The following LCOR variants were observed in gnomAD, a reference collection of about 807,000 sequenced individuals.
LCOR encodes the protein ligand dependent nuclear receptor corepressor.
Under a neutral mutation model 64.4 loss-of-function variants are expected in LCOR, and 14 were observed. The ratio of observed to expected loss-of-function variants is 0.22; its 90% CI spans 0.14 to 0.34. LCOR has a LOEUF of 0.34. LCOR is among the 10% of genes least tolerant of loss of function. LCOR has a pLI of 1.00. For synonymous variants in LCOR, 643 were observed against 642.5 expected (o/e 1.00, Z -0.01); for missense variants, 1,686 against 1,765.3 (o/e 0.96, Z 0.80).
At chr10:96,890,097 T>TTTTTG (rs753133881) in intron 2 of LCOR, among the ~76,000 whole-genome samples, 49 of 151,886 alleles carry the variant, frequency 3.2e-4, no homozygotes, top group African/African-American at 9.6e-4. Context: ...GCGTGTAGTT[T>TTTTTG]TTTTGTTTTG....
chr10:96,854,986 A>G (rs983899963), intron 2 of LCOR, among the ~76,000 whole-genome samples: 1 of 152,114 alleles, frequency 6.6e-6, no homozygotes, highest in Non-Finnish European at 1.5e-5. Flanking sequence ...CTCTTATGGC[A>G]GTAGCATCTT....
rs1355329365 is a variant in LCOR, at chr10:96,881,201, CCT to C, written c.-329-26058_-329-26057del. On this transcript the variant is annotated intron_variant, in intron 2 of 7. Coordinates refer to ENST00000421806, the MANE Select transcript of LCOR (RefSeq NM_001346516.2). The stretch of plus-strand genomic sequence containing the variant: ...GAGAGTACGTAGATTTGAATCCCAG[CCT>C]CTCTCCTTTGGTAACTGTTTGGCCT... Among the ~76,000 whole-genome samples the C allele has an allele frequency of 2.0e-5, 3 of 152,244 alleles. No individual in the cohort carries two copies. The East Asian group carries it at 5.8e-4, about 29-fold the overall frequency.
intron 7 of LCOR, chr10:96,960,461 C>G (rs1847862168): frequency 6.6e-6 from 1 of 152,160 alleles, no homozygotes; most frequent in African/African-American, 2.4e-5. Flanking sequence ...ATAATCCTTT[C>G]ATTAAATGCC....
chr10:96,898,990 G>T (rs1846588828), intron 2 of LCOR, among the ~76,000 whole-genome samples: 3 of 152,144 alleles, frequency 2.0e-5, no homozygotes, highest in Admixed American at 1.3e-4. Context: ...TCAATGACCG[G>T]AATACTTGGT....
intron 2 of LCOR, among the ~76,000 whole-genome samples, chr10:96,866,430 G>T (rs1447870043): frequency 6.6e-6 from 1 of 152,110 alleles, no homozygotes; most frequent in African/African-American, 2.4e-5. Context: ...TCGGTTGTTT[G>T]GGGGCTGTTA....
intron 2 of LCOR, among the ~76,000 whole-genome samples, chr10:96,851,314 G>A (rs180951019): frequency 5.3e-5 from 8 of 152,174 alleles, no homozygotes; most frequent in African/African-American, 1.9e-4. Flanking sequence ...TGTAACCAGG[G>A]TATCCTTAGA....
chr10:96,937,094 A>G (rs1393028095), intron 4 of LCOR, among the ~76,000 whole-genome samples: 2 of 152,256 alleles, frequency 1.3e-5, no homozygotes, highest in Non-Finnish European at 2.9e-5. Context: ...ATGTTGGATT[A>G]GAGTGGACCC....
At position 96,984,747 on chromosome 10, in the gene LCOR, C is replaced by A; in HGVS notation, c.4287C>A (p.Thr1429=). 6.2e-7 allele frequency: 1 copy of A among 1,613,666 alleles called. No individual in the cohort carries two copies. The highest frequency in any genetic ancestry group is 8.5e-7 in the Non-Finnish European group (1 of 1,179,918). The part of the protein sequence containing the change: ...ASKEKHADGA[T]KTPAAKRPAA... ...AAGAAAAGCATGCTGATGGAGCCAC[C>A]AAAACCCCTGCTGCCAAGAGGCCAG... The change falls in exon 8 of 8, where the codon ACC becomes ACA. Residue 1429 remains threonine, a synonymous_variant. Coordinates refer to ENST00000421806, the MANE Select transcript of LCOR (RefSeq NM_001346516.2).
At chr10:96,855,657 G>A (rs1196414228) in intron 2 of LCOR, among the ~76,000 whole-genome samples, 1 of 151,756 alleles carries the variant, frequency 6.6e-6, no homozygotes, top group African/African-American at 2.4e-5. Flanking sequence ...GCTGGTCTCC[G>A]ACTCCTGAAT....
At position 96,936,454 on chromosome 10, in the gene LCOR, G is replaced by T. The variant is rs564718416; in HGVS notation, c.-183-7659G>T. On this transcript the variant is annotated intron_variant, in intron 4 of 7. Transcript: ENST00000421806. ...AGAAAATCAACAAAACCAAAAACTG[G>T]TTTTTTTAAAATATCAAATTAGGTA... 9.2e-4 allele frequency among the ~76,000 whole-genome samples: 140 copies of T among 152,180 alleles called. 1 individual carries two copies. Among genetic ancestry groups the T allele is most frequent in the East Asian group, 8.1e-3 (42 of 5,192 alleles).
intron 2 of LCOR, among the ~76,000 whole-genome samples, chr10:96,854,569 C>T (rs1008567739): frequency 2.6e-5 from 4 of 152,228 alleles, no homozygotes; most frequent in East Asian, 1.9e-4. Context: ...TCAAGTGATC[C>T]GCTGACCTCG....
At chr10:96,854,336 CTTTG>C (rs1845768483) in intron 2 of LCOR, among the ~76,000 whole-genome samples, 1 of 152,112 alleles carries the variant, frequency 6.6e-6, no homozygotes, top group Non-Finnish European at 1.5e-5. Flanking sequence ...GTTTTCATTT[CTTTG>C]TTTGAGATGG....
At chr10:96,868,170 C>T (rs1846007347) in intron 2 of LCOR, among the ~76,000 whole-genome samples, 1 of 152,074 alleles carries the variant, frequency 6.6e-6, no homozygotes, top group African/African-American at 2.4e-5. Context: ...AGGCGTGAGC[C>T]ACCGCACCGG....
rs527567298 is a variant in LCOR, at chr10:96,955,986, A to G, written c.332+3790A>G. On this transcript the variant is annotated intron_variant, in intron 7 of 7. Transcript: ENST00000421806. ...AGCACTACTGCATCATTGTTCAGCT[A>G]TCATTGCTTGCACGTAATTTCATTT... is the stretch of plus-strand genomic sequence containing the variant. 5.8e-5 allele frequency: 89 copies of G among 1,535,790 alleles called. No individual in the cohort carries two copies. In the African/African-American group the frequency reaches 1.1e-3, roughly 18 times the overall value.
intron 4 of LCOR, among the ~76,000 whole-genome samples, chr10:96,937,135 G>A (rs1160253627): frequency 1.3e-5 from 2 of 152,298 alleles, no homozygotes; most frequent in East Asian, 1.9e-4. Context: ...CTTATAAGGA[G>A]AAAGAGACTT....
At chr10:96,948,363 A>C (rs768572267) in intron 5 of LCOR, among the ~76,000 whole-genome samples, 7 of 152,188 alleles carry the variant, frequency 4.6e-5, no homozygotes, top group Non-Finnish European at 7.3e-5. Context: ...GCAGCATCTA[A>C]GAACTTGTTA....
Position 96,901,586 on chromosome 10 carries a change from T to C in LCOR, c.-329-5679T>C, listed in dbSNP as rs374522116. 2.0e-5 allele frequency among the ~76,000 whole-genome samples: 3 copies of C among 152,178 alleles called. No individual in the cohort carries two copies. The East Asian group carries it at 5.8e-4, about 29-fold the overall frequency. ...TAATCAACATTAGGAAGTTTTTGTT[T>C]CCTTCTAAATTTTTAAAACGTTCAT... On this transcript the variant is annotated intron_variant, in intron 2 of 7. Coordinates refer to ENST00000421806, the MANE Select transcript of LCOR (RefSeq NM_001346516.2).
rs898525933 is a variant in LCOR at position 96,849,129 on chromosome 10, A to G, written c.-330+15650A>G. ...CCCTCTATAGCCGAGGCTGGAGTGC[A>G]GTGGCACAATCTCAGCTTACTGCAA... is the stretch of plus-strand genomic sequence containing the variant. On this transcript the variant is annotated intron_variant, in intron 2 of 7. Transcript: ENST00000421806. Among the ~76,000 whole-genome samples the G allele has an allele frequency of 3.4e-5, 4 of 116,534 alleles. No individual in the cohort carries two copies. The East Asian group carries it at 1.2e-3, about 34-fold the overall frequency. The allele number at this position is 116,534 out of a possible 152,430, so 76.5% of individuals were successfully genotyped here.
At chr10:96,865,806 A>G (rs1011230806) in intron 2 of LCOR, among the ~76,000 whole-genome samples, 8 of 150,786 alleles carry the variant, frequency 5.3e-5, no homozygotes, top group African/African-American at 2.0e-4. Context: ...CCCAGGAGGC[A>G]GAGGTTGCAG....
Sources: allele counts gnomAD v4.1 joint callset (sites outside exome capture counted in the v4.1 genomes callset), GRCh38; gene constraint gnomAD v4.1.1; transcripts MANE v1.5; gene names NCBI Gene and HGNC (gene_info 2026-07-23, HGNC 2026-07-21).